Variants in ZFAND3 observed in about 807,000 individuals in gnomAD.
ZFAND3 encodes the protein AN1-type zinc finger protein 3.
ZFAND3 carries 10 observed loss-of-function variants against 29.6 expected under a neutral mutation model. The observed-to-expected ratio is 0.34, with a 90% confidence interval of 0.21 to 0.57. The LOEUF is 0.57. Among genes scored for constraint, ZFAND3 ranks in the 20% least tolerant of loss-of-function variants. The probability of loss-of-function intolerance (pLI) is 0.86; values close to 1 mark genes in which losing one functional copy is unlikely to be tolerated. For missense variants in ZFAND3, 230 were observed against 304.5 expected, an observed-to-expected ratio of 0.76 and a Z score of 1.82; for synonymous variants, 128 against 112.6, an observed-to-expected ratio of 1.14 and a Z score of -0.87.
At chr6:38,147,563 C>T (rs1054999834) in intron 5 of ZFAND3, among the ~76,000 whole-genome samples, 5 of 152,152 alleles carry the variant, frequency 3.3e-5, no homozygotes, top group East Asian at 1.9e-4. Context: ...ATTTCCATAG[C>T]GGTTTCTATA....
chr6:37,879,572 G>C (rs866038940), intron 1 of ZFAND3, among the ~76,000 whole-genome samples: 3 of 152,104 alleles, frequency 2.0e-5, no homozygotes, highest in Non-Finnish European at 2.9e-5. Flanking sequence ...TGAGTTAACT[G>C]TAATTAAAGG....
intron 2 of ZFAND3, among the ~76,000 whole-genome samples, chr6:37,945,115 C>T: frequency 6.6e-6 from 1 of 152,136 alleles, no homozygotes; most frequent in Non-Finnish European, 1.5e-5. Flanking sequence ...CTAGGTGAAA[C>T]CTAGGTCAAA....
intron 3 of ZFAND3, among the ~76,000 whole-genome samples, chr6:38,067,145 T>G (rs1361043164): frequency 6.6e-6 from 1 of 152,210 alleles, no homozygotes; most frequent in Non-Finnish European, 1.5e-5. Context: ...CACAGGGGAT[T>G]CGGCGCATAC....
intron 4 of ZFAND3, among the ~76,000 whole-genome samples, chr6:38,094,490 TTC>T (rs1764938791): frequency 6.6e-6 from 1 of 152,200 alleles, no homozygotes; most frequent in Admixed American, 6.5e-5. Flanking sequence ...TGACCAGTGT[TTC>T]TCTCTTGACA....
intron 2 of ZFAND3, among the ~76,000 whole-genome samples, chr6:37,985,664 G>A (rs932943923): frequency 1.3e-5 from 2 of 152,174 alleles, no homozygotes; most frequent in African/African-American, 4.8e-5. Context: ...TGGTGACACA[G>A]TGAGACCCTG....
intron 5 of ZFAND3, among the ~76,000 whole-genome samples, chr6:38,152,033 C>A (rs1470131303): frequency 6.6e-6 from 1 of 152,180 alleles, no homozygotes; most frequent in Admixed American, 6.5e-5. Flanking sequence ...GCTTGAGCAG[C>A]TGTGGAATGC....
intron 5 of ZFAND3, among the ~76,000 whole-genome samples, chr6:38,144,229 ATATTTT>A (rs1562016221): frequency 8.6e-5 from 10 of 116,928 alleles, no homozygotes; most frequent in African/African-American, 2.5e-4. Context: ...ATATATATAT[ATATTTT>A]TTTTTTAATA....
At chr6:38,121,761 T>C (rs1344465953) in intron 5 of ZFAND3, among the ~76,000 whole-genome samples, 2 of 152,202 alleles carry the variant, frequency 1.3e-5, no homozygotes, top group Non-Finnish European at 2.9e-5. Context: ...TCAGCCCTCA[T>C]TGTTGATGTT....
In ZFAND3 at chr6:38,068,856, G is replaced by A. The variant is rs541374449; in HGVS notation, c.295+7081G>A. ...ATTCCCAAAATAGAAATTTCAGAAC[G>A]TACTCCACCTCTGGTTAAATTAATT... On this transcript the variant is annotated intron_variant, in intron 3 of 5. Coordinates refer to ENST00000287218, the MANE Select transcript of ZFAND3 (RefSeq NM_021943.3). Among the ~76,000 whole-genome samples, 9 of 152,204 alleles carry A rather than the reference G, an allele frequency of 5.9e-5. No homozygotes were observed. The South Asian group carries it at 8.3e-4, about 14-fold the overall frequency.
intron 1 of ZFAND3, among the ~76,000 whole-genome samples, chr6:37,820,736 A>C (rs547870653): frequency 6.6e-6 from 1 of 152,320 alleles, no homozygotes; most frequent in Non-Finnish European, 1.5e-5. Flanking sequence ...GTTGGCTCTC[A>C]AATTCTCCTC....
At chr6:38,018,218 A>G (rs1419121402) in intron 2 of ZFAND3, among the ~76,000 whole-genome samples, 2 of 152,112 alleles carry the variant, frequency 1.3e-5, no homozygotes, top group African/African-American at 2.4e-5. Context: ...GGGCCCACTG[A>G]TACTACACAT....
Position 37,866,214 on chromosome 6 carries a change from A to G in ZFAND3, c.71+46198A>G, listed in dbSNP as rs146755760. 5.4e-3 allele frequency among the ~76,000 whole-genome samples: 821 copies of G among 152,314 alleles called. 11 individuals are homozygous for G. Among genetic ancestry groups the G allele is most frequent in the African/African-American group, 0.019 (793 of 41,550 alleles). On this transcript the variant is annotated intron_variant, in intron 1 of 5. Coordinates refer to ENST00000287218, the MANE Select transcript of ZFAND3 (RefSeq NM_021943.3). The stretch of plus-strand genomic sequence containing the variant: ...GAGAGTTGATTGGAATTGTTCAGCT[A>G]AAGGGAAGCTTTTTAAAAAAAGTAT...
At chr6:38,129,030 G>C (rs1028691317) in intron 5 of ZFAND3, among the ~76,000 whole-genome samples, 13 of 152,168 alleles carry the variant, frequency 8.5e-5, no homozygotes, top group African/African-American at 3.1e-4. Context: ...ATTCTTGCAG[G>C]AGTAAGGTAG....
At chr6:37,929,136 C>T (rs189672887) in intron 1 of ZFAND3, among the ~76,000 whole-genome samples, 3 of 152,252 alleles carry the variant, frequency 2.0e-5, no homozygotes, top group African/African-American at 7.2e-5. Flanking sequence ...GGTCATTGCC[C>T]TGGTCTCACT....
At chr6:37,865,153 G>A (rs1187146068) in intron 1 of ZFAND3, among the ~76,000 whole-genome samples, 2 of 152,146 alleles carry the variant, frequency 1.3e-5, no homozygotes, top group East Asian at 3.8e-4. Flanking sequence ...ACTCCAGCCT[G>A]GGAGACTGGG....
At chr6:37,881,659 A>C (rs551377036) in intron 1 of ZFAND3, among the ~76,000 whole-genome samples, 1 of 152,146 alleles carries the variant, frequency 6.6e-6, no homozygotes, top group African/African-American at 2.4e-5. Context: ...TACGAGCTAT[A>C]TAGGGTTTTG....
chr6:38,004,463 C>G (rs910611401), intron 2 of ZFAND3, among the ~76,000 whole-genome samples: 4 of 149,996 alleles, frequency 2.7e-5, no homozygotes, highest in African/African-American at 7.4e-5. Context: ...TTCCCCTCTC[C>G]CCCTCTCCAT....
rs1766029602 is a variant in ZFAND3 at position 38,144,189 on chromosome 6, A to ATATTATATATAT, written c.530-8043_530-8042insTATATATATTAT. Reference sequence around the variant, plus strand: ...AAAATGTGATATATATATATAATATATATATATATATATATATATATAATA... The same window carrying ATATTATATATAT: ...AAAATGTGATATATATATATAATATATATTATATATATTATATATATATATATATATATAATA... On this transcript the variant is annotated intron_variant, in intron 5 of 5. Coordinates refer to ENST00000287218, the MANE Select transcript of ZFAND3 (RefSeq NM_021943.3). Among the ~76,000 whole-genome samples the ATATTATATATAT allele has an allele frequency of 9.6e-5, 4 of 41,746 alleles. 1 individual carries two copies. The highest frequency in any genetic ancestry group is 1.9e-4 in the Admixed American group (1 of 5,234). The allele number at this position is 41,746 out of a possible 152,430, so 27.4% of individuals were successfully genotyped here.
chr6:37,825,109 G>C (rs752508784), intron 1 of ZFAND3, among the ~76,000 whole-genome samples: 39 of 151,186 alleles, frequency 2.6e-4, no homozygotes, highest in Admixed American at 9.9e-4. Context: ...AGATCATCTA[G>C]CTAGTGTGCT....
Sources: allele counts gnomAD v4.1 joint callset (sites outside exome capture counted in the v4.1 genomes callset), GRCh38; gene constraint gnomAD v4.1.1; transcripts MANE v1.5; gene names NCBI Gene and HGNC (gene_info 2026-07-23, HGNC 2026-07-21).